The following GAB3 variants were observed in gnomAD, a reference collection of about 807,000 sequenced individuals.
GAB3 encodes GRB2-associated-binding protein 3.
GAB3 carries 12 observed loss-of-function variants against 40.4 expected under a neutral mutation model. The observed-to-expected ratio is 0.30, with a 90% confidence interval of 0.19 to 0.48. The LOEUF is 0.48. Among genes scored for constraint, GAB3 ranks in the 20% least tolerant of loss-of-function variants. GAB3 has a pLI of 0.99. For synonymous variants in GAB3, 154 were observed against 176.7 expected (o/e 0.87, Z 1.02); for missense variants, 381 against 461.9 (o/e 0.82, Z 1.61).
chrX:154,676,179 A>G lies in GAB3; in HGVS notation c.*1999T>C, dbSNP rs1557245469. On this transcript the variant is annotated 3_prime_UTR_variant, in exon 10 of 10. Coordinates refer to ENST00000424127, the MANE Select transcript of GAB3 (RefSeq NM_001081573.3). ...TTTCTTTTCTTTTTTCGGTGGGTCA[A>G]TGGAGTGACATTTCACTACTGACAT... The G allele has an allele frequency of 9.0e-6, 1 of 111,130 alleles. No individual in the cohort carries two copies. 9.2% of individuals were successfully genotyped at this position (111,130 alleles called of 1,213,427 possible).
At chrX:154,689,804 G>A (rs368828582) in intron 8 of GAB3, among the ~76,000 whole-genome samples, 1 of 104,631 alleles carries the variant, frequency 9.6e-6, no homozygotes, top group Non-Finnish European at 2.0e-5. Context: ...ATGCTCATGG[G>A]TAGGAAGAAT....
At chrX:154,680,271 T>C in intron 8 of GAB3, 23 bp from the exon 9 acceptor site, 1 of 1,094,934 alleles carries the variant, frequency 9.1e-7, no homozygotes, top group Non-Finnish European at 1.3e-6. Flanking sequence ...ATCACAGGAG[T>C]CAGGTTAATG....
At chrX:154,724,387 A>T (rs868964880) in intron 1 of GAB3, among the ~76,000 whole-genome samples, 27 of 109,019 alleles carry the variant, frequency 2.5e-4, no homozygotes, top group Non-Finnish European at 1.7e-4. Context: ...AATAAATAAA[A>T]ATAAAATGAC....
intron 1 of GAB3, among the ~76,000 whole-genome samples, chrX:154,742,359 C>CA (rs2071454399): frequency 9.1e-6 from 1 of 110,470 alleles, no homozygotes; most frequent in African/African-American, 3.3e-5. Flanking sequence ...TACCCTAAGT[C>CA]AAAAATGCAT....
At chrX:154,694,562 A>G (rs1557250185) in intron 8 of GAB3, among the ~76,000 whole-genome samples, 1 of 109,510 alleles carries the variant, frequency 9.1e-6, no homozygotes, top group South Asian at 3.9e-4. Context: ...AATTTTTTGT[A>G]TTTTGTATTT....
intron 1 of GAB3, among the ~76,000 whole-genome samples, chrX:154,731,525 C>T (rs1476892874): frequency 8.9e-6 from 1 of 111,865 alleles, no homozygotes; most frequent in African/African-American, 3.3e-5. Context: ...TATGAAGGTA[C>T]AGTAGTTAAT....
intron 4 of GAB3, among the ~76,000 whole-genome samples, chrX:154,706,299 C>G (rs999541982): frequency 9.2e-6 from 1 of 108,915 alleles, no homozygotes; most frequent in Non-Finnish European, 1.9e-5. Context: ...GCGTGTAATC[C>G]CAGCTACTCG....
chrX:154,713,832 A>G (rs1163386296), intron 2 of GAB3, among the ~76,000 whole-genome samples: 1 of 93,070 alleles, frequency 1.1e-5, no homozygotes, highest in Non-Finnish European at 2.1e-5. Context: ...TTGTGCATAT[A>G]TGTATGTATA....
At chrX:154,731,737 T>C (rs1180455300) in intron 1 of GAB3, among the ~76,000 whole-genome samples, 10 of 111,188 alleles carry the variant, frequency 9.0e-5, no homozygotes, top group African/African-American at 3.3e-4. Flanking sequence ...TGAGAAGATA[T>C]CAGTACCAGA....
At position 154,687,191 on chromosome X, in the gene GAB3, C is replaced by CA. The variant is rs199772357; in HGVS notation, c.1531-6944dup. Among the ~76,000 whole-genome samples the CA allele has an allele frequency of 9.5e-3, 1,007 of 105,623 alleles. 14 individuals carry two copies. The highest frequency in any genetic ancestry group is 0.033 in the African/African-American group (964 of 28,852). 91.7% of individuals were successfully genotyped at this position (105,623 alleles called of 115,157 possible). ...TGGGTGACAGAGCAAGACTCTATCT[C>CA]AAAAAAAAGAAAAAAACAAAACAAA... On this transcript the variant is annotated intron_variant, in intron 8 of 9. Coordinates refer to ENST00000424127, the MANE Select transcript of GAB3 (RefSeq NM_001081573.3).
intron 1 of GAB3, among the ~76,000 whole-genome samples, chrX:154,741,868 C>T (rs1216266164): frequency 9.0e-6 from 1 of 110,533 alleles, no homozygotes; most frequent in Admixed American, 9.6e-5. Context: ...ACCATCATAT[C>T]TCGTGAGATT....
chrX:154,687,369 C>T (rs1418769289), intron 8 of GAB3, among the ~76,000 whole-genome samples: 8 of 109,119 alleles, frequency 7.3e-5, no homozygotes, highest in Non-Finnish European at 5.7e-5. Context: ...TGGTGGCTCA[C>T]GCCTGTAATC....
At chrX:154,731,845 A>C (rs1445001542) in intron 1 of GAB3, among the ~76,000 whole-genome samples, 1 of 112,550 alleles carries the variant, frequency 8.9e-6, no homozygotes, top group Non-Finnish European at 1.9e-5. Context: ...TAAATGCTTT[A>C]AATTAAATTA....
chrX:154,688,960 A>C (rs930783398), intron 8 of GAB3, among the ~76,000 whole-genome samples: 7 of 111,130 alleles, frequency 6.3e-5, no homozygotes, highest in Admixed American at 4.8e-4. Flanking sequence ...GAGACACAAC[A>C]AAAAAAGAGA....
intron 2 of GAB3, among the ~76,000 whole-genome samples, chrX:154,713,803 C>A (rs1360587617): frequency 6.1e-5 from 4 of 65,633 alleles, no homozygotes; most frequent in Non-Finnish European, 8.6e-5. Context: ...CAAGTACATG[C>A]ATATAGTTAT....
At chrX:154,738,345 C>A (rs782336126) in intron 1 of GAB3, among the ~76,000 whole-genome samples, 13 of 112,689 alleles carry the variant, frequency 1.2e-4, no homozygotes, top group Non-Finnish European at 2.1e-4. Context: ...CTGTTCTATC[C>A]TAAGGAATGA....
At chrX:154,744,405 TCAAAA>T (rs1397521379) in intron 1 of GAB3, among the ~76,000 whole-genome samples, 1 of 110,416 alleles carries the variant, frequency 9.1e-6, no homozygotes, top group East Asian at 2.8e-4. Flanking sequence ...AAAATAGACT[TCAAAA>T]CAAGGAATAG....
At chrX:154,691,424 T>A (rs1557249361) in intron 8 of GAB3, among the ~76,000 whole-genome samples, 1 of 108,172 alleles carries the variant, frequency 9.2e-6, no homozygotes, top group Non-Finnish European at 1.9e-5. Context: ...ATAATAATAA[T>A]AAATAAATAA....
chrX:154,717,665 T>C (rs1379724525), intron 1 of GAB3, among the ~76,000 whole-genome samples: 1 of 111,690 alleles, frequency 9.0e-6, no homozygotes, highest in Non-Finnish European at 1.9e-5. Context: ...CTTAGAATTT[T>C]TGATGTAGAC....
Sources: allele counts gnomAD v4.1 joint callset (sites outside exome capture counted in the v4.1 genomes callset), GRCh38; gene constraint gnomAD v4.1.1; transcripts MANE v1.5; gene names NCBI Gene and HGNC (gene_info 2026-07-23, HGNC 2026-07-21).